The following HS6ST3 variants were observed in gnomAD, a reference collection of about 807,000 sequenced individuals.
The protein encoded by HS6ST3 is heparan sulfate 6-O-sulfotransferase 3.
Under a neutral mutation model 36.7 loss-of-function variants are expected in HS6ST3, and 12 were observed. The ratio of observed to expected loss-of-function variants is 0.33; its 90% CI spans 0.21 to 0.53. The LOEUF (loss-of-function observed/expected upper bound fraction) is 0.53. Ranked by LOEUF, HS6ST3 falls within the 20% of genes least tolerant of loss-of-function variation. The pLI is 0.95. For synonymous variants in HS6ST3, 240 were observed against 257.5 expected, an observed-to-expected ratio of 0.93 and a Z score of 0.65; for missense variants, 584 against 640.9, an observed-to-expected ratio of 0.91 and a Z score of 0.96.
At chr13:96,782,773 CA>C (rs1276176740) in intron 1 of HS6ST3, among the ~76,000 whole-genome samples, 1 of 152,058 alleles carries the variant, frequency 6.6e-6, no homozygotes, top group Non-Finnish European at 1.5e-5. Context: ...CCTTTCTGCC[CA>C]CCCAGCAGGC....
chr13:96,507,861 A>G (rs1566381213), intron 1 of HS6ST3, among the ~76,000 whole-genome samples: 1 of 152,128 alleles, frequency 6.6e-6, no homozygotes, highest in Non-Finnish European at 1.5e-5. Flanking sequence ...TTAACTATTC[A>G]GTTGAATTTT....
chr13:96,331,845 C>T lies in HS6ST3; in HGVS notation c.707+240276C>T, dbSNP rs12583401. Among the ~76,000 whole-genome samples the T allele has an allele frequency of 5.9e-3, 905 of 152,226 alleles. 65 individuals carry two copies. In the East Asian group the frequency reaches 0.15, roughly 25 times the overall value. The stretch of plus-strand genomic sequence containing the variant: ...AGCAATCAGCGAGACTCCGTGGGCG[C>T]AGGACCCTCCGAGCCAGGTGCCGGA... On this transcript the variant is annotated intron_variant, in intron 1 of 1. Transcript: ENST00000376705.
At chr13:96,305,432 T>C (rs1419949439) in intron 1 of HS6ST3, among the ~76,000 whole-genome samples, 4 of 152,218 alleles carry the variant, frequency 2.6e-5, no homozygotes, top group African/African-American at 7.2e-5. Flanking sequence ...TCTAACTTGC[T>C]TTATTCTTCT....
intron 1 of HS6ST3, among the ~76,000 whole-genome samples, chr13:96,106,875 G>A (rs907213608): frequency 6.6e-6 from 1 of 152,192 alleles, no homozygotes; most frequent in African/African-American, 2.4e-5. Flanking sequence ...ACATTTCCTA[G>A]GGAAGTAAGT....
chr13:96,231,534 C>T (rs1163539578), intron 1 of HS6ST3, among the ~76,000 whole-genome samples: 1 of 151,918 alleles, frequency 6.6e-6, no homozygotes, highest in Non-Finnish European at 1.5e-5. Flanking sequence ...AGGTGCTACA[C>T]CCATTTAAAC....
At chr13:96,470,810 C>T (rs1312777668) in intron 1 of HS6ST3, among the ~76,000 whole-genome samples, 1 of 152,118 alleles carries the variant, frequency 6.6e-6, no homozygotes, top group Non-Finnish European at 1.5e-5. Flanking sequence ...GGTTTGTGAC[C>T]CTGTTCCTTA....
intron 1 of HS6ST3, among the ~76,000 whole-genome samples, chr13:96,181,596 T>TG (rs1186951150): frequency 1.3e-5 from 2 of 152,176 alleles, no homozygotes; most frequent in Non-Finnish European, 2.9e-5. Flanking sequence ...GAGCTCTTGC[T>TG]GGGGTCTCTG....
At chr13:96,280,548 A>C (rs1555295300) in intron 1 of HS6ST3, among the ~76,000 whole-genome samples, 1 of 152,156 alleles carries the variant, frequency 6.6e-6, no homozygotes, top group South Asian at 2.1e-4. Context: ...ATTTTTTTCT[A>C]AATTGTTTGA....
At chr13:96,692,869 T>A (rs1875006465) in intron 1 of HS6ST3, among the ~76,000 whole-genome samples, 1 of 152,192 alleles carries the variant, frequency 6.6e-6, no homozygotes, top group South Asian at 2.1e-4. Context: ...AGAAAATATG[T>A]TGTTGTCAGA....
At chr13:96,442,255 C>A (rs1222426945) in intron 1 of HS6ST3, among the ~76,000 whole-genome samples, 1 of 152,176 alleles carries the variant, frequency 6.6e-6, no homozygotes, top group African/African-American at 2.4e-5. Flanking sequence ...CTCAGGTAAT[C>A]CATCCATCTT....
chr13:96,498,340 C>G (rs2055987257), intron 1 of HS6ST3, among the ~76,000 whole-genome samples: 1 of 152,158 alleles, frequency 6.6e-6, no homozygotes, highest in South Asian at 2.1e-4. Flanking sequence ...GGAGGTGGAG[C>G]AGGGGGAGGT....
chr13:96,739,155 C>T (rs1198175463), intron 1 of HS6ST3, among the ~76,000 whole-genome samples: 2 of 151,208 alleles, frequency 1.3e-5, no homozygotes, highest in African/African-American at 2.4e-5. Flanking sequence ...CCTTTTACTA[C>T]CAAGTGTTAG....
intron 1 of HS6ST3, among the ~76,000 whole-genome samples, chr13:96,497,229 A>G (rs1283211875): frequency 6.6e-6 from 1 of 152,116 alleles, no homozygotes; most frequent in Non-Finnish European, 1.5e-5. Flanking sequence ...CCATGGATCA[A>G]TCTCAGGCCT....
At chr13:96,703,795 C>T (rs995896115) in intron 1 of HS6ST3, among the ~76,000 whole-genome samples, 15 of 152,142 alleles carry the variant, frequency 9.9e-5, no homozygotes, top group African/African-American at 2.2e-4. Flanking sequence ...TTGTAATCCC[C>T]GTTTATCAAG....
intron 1 of HS6ST3, among the ~76,000 whole-genome samples, chr13:96,718,630 A>T (rs1272995954): frequency 6.6e-6 from 1 of 152,264 alleles, no homozygotes; most frequent in Non-Finnish European, 1.5e-5. Flanking sequence ...TAGTTTCATA[A>T]AATACCACTT....
chr13:96,754,851 TA>T (rs2138495078), intron 1 of HS6ST3, among the ~76,000 whole-genome samples: 1 of 152,242 alleles, frequency 6.6e-6, no homozygotes, highest in East Asian at 1.9e-4. Context: ...TCTCTTCATA[TA>T]ATATCAATAT....
At chr13:96,275,381 A>G (rs534336447) in intron 1 of HS6ST3, among the ~76,000 whole-genome samples, 2 of 152,284 alleles carry the variant, frequency 1.3e-5, no homozygotes, top group African/African-American at 2.4e-5. Context: ...TTTGGGTGTT[A>G]TCATGGGTTC....
rs758073303 is a variant in HS6ST3, at chr13:96,832,532, T to A, written c.750T>A (p.Arg250=). 6.2e-7 allele frequency: 1 copy of A among 1,604,176 alleles called. No homozygotes were observed. The highest frequency in any genetic ancestry group is 1.7e-5 in the Admixed American group (1 of 58,112). ...CAATGTTACGGGATCCAGTGTCACG[T>A]TACCTGAGCGAGTGGAAACATGTCC... ...YITMLRDPVS[R]YLSEWKHVQR... Residue 250 remains arginine, a synonymous_variant, in exon 2 of 2, where the codon CGT becomes CGA. Transcript: ENST00000376705.
At chr13:96,830,097 A>G (rs896570650) in intron 1 of HS6ST3, among the ~76,000 whole-genome samples, 10 of 151,950 alleles carry the variant, frequency 6.6e-5, no homozygotes, top group African/African-American at 2.4e-4. Context: ...AACATATGAG[A>G]TATTCAACAC....
Sources: gnomAD v4.1 joint callset for allele counts (sites outside exome capture counted in the v4.1 genomes callset) on GRCh38, gnomAD v4.1.1 for gene constraint, MANE v1.5 for transcripts, NCBI Gene and HGNC (gene_info 2026-07-23, HGNC 2026-07-21) for gene names.